SCAPER: variants seen among roughly 807,000 people sequenced by gnomAD.
The protein encoded by SCAPER is S phase cyclin A-associated protein in the endoplasmic reticulum.
In SCAPER, 98 loss-of-function variants were observed where a neutral mutation model predicts 182.2. The ratio of observed to expected loss-of-function variants is 0.54; its 90% CI spans 0.46 to 0.64. SCAPER has a LOEUF of 0.64. Among genes scored for constraint, SCAPER ranks in the 30% least tolerant of loss-of-function variants. The pLI is 0.00. For synonymous variants in SCAPER, 605 were observed against 564.6 expected (o/e 1.07, Z -1.01); for missense variants, 1,432 against 1,690.0 (o/e 0.85, Z 2.68).
chr15:76,582,544 A>G (rs2048341513), intron 22 of SCAPER, among the ~76,000 whole-genome samples: 1 of 152,240 alleles, frequency 6.6e-6, no homozygotes, highest in South Asian at 2.1e-4. Context: ...AATGCAATCT[A>G]TCAAAATACT....
intron 25 of SCAPER, among the ~76,000 whole-genome samples, chr15:76,467,510 G>A (rs983628717): frequency 4.6e-5 from 7 of 151,506 alleles, no homozygotes; most frequent in African/African-American, 1.7e-4. Context: ...GCACAATCAT[G>A]GCCCACTGTA....
Position 76,597,100 on chromosome 15 carries a change from C to A in SCAPER, c.2712-22816G>T, listed in dbSNP as rs189516341. Among the ~76,000 whole-genome samples, 24 of 122,508 alleles carry A rather than the reference C, an allele frequency of 2.0e-4. 5 individuals carry two copies. Among genetic ancestry groups the A allele is most frequent in the Middle Eastern group, 4.9e-3 (1 of 204 alleles). The allele number at this position is 122,508 out of a possible 152,430, so 80.4% of individuals were successfully genotyped here. A position where few individuals can be genotyped will look rare whatever the true frequency, so the allele number is the denominator to read the frequency against. The stretch of plus-strand genomic sequence containing the variant: ...CAAATCTCCTTAAGCTGATAAGCAA[C>A]TTCAGCAAAGTCTCAGGATATAAAA... On this transcript the variant is annotated intron_variant, in intron 22 of 31. Coordinates refer to ENST00000563290, the MANE Select transcript of SCAPER (RefSeq NM_020843.4).
intron 8 of SCAPER, among the ~76,000 whole-genome samples, chr15:76,785,081 G>C (rs963121959): frequency 6.6e-6 from 1 of 152,200 alleles, no homozygotes; most frequent in Admixed American, 6.5e-5. Flanking sequence ...ACTACCGTCA[G>C]AGTGAACAGG....
intron 20 of SCAPER, among the ~76,000 whole-genome samples, chr15:76,684,545 G>A (rs1227967924): frequency 1.3e-5 from 2 of 150,488 alleles, no homozygotes; most frequent in Non-Finnish European, 3.0e-5. Flanking sequence ...AAAACCTTAG[G>A]GAAGACTAAA....
intron 21 of SCAPER, among the ~76,000 whole-genome samples, chr15:76,654,888 A>G (rs2055494460): frequency 6.6e-6 from 1 of 152,242 alleles, no homozygotes; most frequent in Non-Finnish European, 1.5e-5. Context: ...AAGGGCAGCA[A>G]AGAAGCTAAA....
chr15:76,792,345 A>G (rs1014024456), intron 8 of SCAPER, among the ~76,000 whole-genome samples: 17 of 152,200 alleles, frequency 1.1e-4, no homozygotes, highest in Middle Eastern at 3.4e-3. Context: ...ACTATAATTG[A>G]GTGAGTCACT....
chr15:76,797,994 A>G (rs992152649), intron 7 of SCAPER, among the ~76,000 whole-genome samples: 10 of 152,060 alleles, frequency 6.6e-5, no homozygotes, highest in African/African-American at 2.4e-4. Context: ...TCACAAGAAG[A>G]GCAGCAACAG....
chr15:76,598,243 C>T lies in SCAPER; in HGVS notation c.2711+23521G>A, dbSNP rs1376200803. ...ATTAAAGAAATGCAAATCAAAACCA[C>T]AATGAGATACCGTCTCACGCCAGTT... is the stretch of plus-strand genomic sequence containing the variant. On this transcript the variant is annotated intron_variant, in intron 22 of 31. Coordinates refer to ENST00000563290, the MANE Select transcript of SCAPER (RefSeq NM_020843.4). Among the ~76,000 whole-genome samples the T allele has an allele frequency of 2.5e-5, 3 of 121,882 alleles. 1 individual carries two copies. Among genetic ancestry groups the T allele is most frequent in the Non-Finnish European group, 6.0e-5 (3 of 50,190 alleles). The allele number at this position is 121,882 out of a possible 152,430, so 80.0% of individuals were successfully genotyped here.
intron 17 of SCAPER, among the ~76,000 whole-genome samples, chr15:76,725,222 C>A (rs2060510131): frequency 6.6e-6 from 1 of 151,836 alleles, no homozygotes; most frequent in Non-Finnish European, 1.5e-5. Flanking sequence ...TAGGAATAAA[C>A]ATAACAAGAT....
intron 7 of SCAPER, among the ~76,000 whole-genome samples, chr15:76,798,635 AAGAC>A (rs1262994615): frequency 2.0e-5 from 3 of 152,278 alleles, no homozygotes; most frequent in Admixed American, 2.0e-4. Context: ...TCAAAAGCCA[AAGAC>A]AGACAATCTT....
intron 24 of SCAPER, among the ~76,000 whole-genome samples, chr15:76,474,137 T>C (rs1178392106): frequency 6.6e-6 from 1 of 152,182 alleles, no homozygotes; most frequent in Non-Finnish European, 1.5e-5. Context: ...AATATATGCT[T>C]GCCTGAATTC....
At chr15:76,350,165 T>C (rs2141614064) in intron 31 of SCAPER, 1 of 152,310 alleles carries the variant, frequency 6.6e-6, no homozygotes, top group South Asian at 2.1e-4. Context: ...GAACTGAACT[T>C]GCAGACTAAT....
At chr15:76,537,347 A>G (rs1177443309) in intron 23 of SCAPER, among the ~76,000 whole-genome samples, 3 of 152,172 alleles carry the variant, frequency 2.0e-5, no homozygotes, top group Non-Finnish European at 4.4e-5. Context: ...CCAAAACAGC[A>G]TGGTACTGGT....
At chr15:76,351,824 T>C (rs560061649) in intron 30 of SCAPER, among the ~76,000 whole-genome samples, 1 of 152,336 alleles carries the variant, frequency 6.6e-6, no homozygotes, top group African/African-American at 2.4e-5. Flanking sequence ...CCTATCTATA[T>C]TCATTCTCTT....
intron 24 of SCAPER, among the ~76,000 whole-genome samples, chr15:76,489,035 A>G (rs1460537411): frequency 6.6e-6 from 1 of 150,878 alleles, no homozygotes; most frequent in Admixed American, 6.6e-5. Context: ...CTTGCCTTTT[A>G]TAAGAAAGGA....
At chr15:76,671,058 A>C (rs548541449) in intron 20 of SCAPER, among the ~76,000 whole-genome samples, 2 of 152,252 alleles carry the variant, frequency 1.3e-5, no homozygotes, top group East Asian at 3.9e-4. Flanking sequence ...TCCTTATTAA[A>C]GGTTTGGTGC....
chr15:76,453,116 G>C (rs888439671), intron 25 of SCAPER, among the ~76,000 whole-genome samples: 2 of 152,198 alleles, frequency 1.3e-5, no homozygotes, highest in Admixed American at 6.5e-5. Flanking sequence ...TTACAGGTGA[G>C]AGCTACTGAA....
intron 22 of SCAPER, among the ~76,000 whole-genome samples, chr15:76,606,797 T>C (rs1230096849): frequency 6.6e-6 from 1 of 152,110 alleles, no homozygotes; most frequent in African/African-American, 2.4e-5. Flanking sequence ...TTTTGATCTT[T>C]GTTGGTTTAA....
intron 27 of SCAPER, among the ~76,000 whole-genome samples, chr15:76,397,938 A>T (rs1222103556): frequency 6.6e-6 from 1 of 152,180 alleles, no homozygotes; most frequent in Non-Finnish European, 1.5e-5. Context: ...ACCACATCTC[A>T]GCAAATTATT....
Sources: gnomAD v4.1 joint callset for allele counts (sites outside exome capture counted in the v4.1 genomes callset) on GRCh38, gnomAD v4.1.1 for gene constraint, MANE v1.5 for transcripts, NCBI Gene and HGNC (gene_info 2026-07-23, HGNC 2026-07-21) for gene names.